Variants in ELF2 observed in about 807,000 individuals in gnomAD.
ELF2 encodes E74 like ETS transcription factor 2.
Under a neutral mutation model 54.8 loss-of-function variants are expected in ELF2, and 11 were observed. The observed-to-expected ratio is 0.20, with a 90% confidence interval of 0.13 to 0.33. ELF2 has a LOEUF of 0.33. ELF2 is among the 10% of genes least tolerant of loss of function. ELF2 has a pLI of 1.00. For synonymous variants in ELF2, 203 were observed against 245.1 expected, an observed-to-expected ratio of 0.83 and a Z score of 1.61; for missense variants, 513 against 703.0, an observed-to-expected ratio of 0.73 and a Z score of 3.06.
intron 1 of ELF2, among the ~76,000 whole-genome samples, chr4:139,172,890 G>A (rs28859992): frequency 7.0e-4 from 40 of 57,240 alleles, no homozygotes; most frequent in South Asian, 2.1e-3. Context: ...AACGGGGGGG[G>A]GGGGGGGGGG....
chr4:139,139,342 C>A (rs1738486312), intron 2 of ELF2, 71 bp downstream of exon 2: 4 of 744,378 alleles, frequency 5.4e-6, no homozygotes, highest in Non-Finnish European at 5.5e-6. Context: ...TTCCACAGTC[C>A]CATCATACTA....
chr4:139,173,866 T>A lies in ELF2; in HGVS notation c.-252+3101A>T, dbSNP rs186741926. 3.5e-4 allele frequency among the ~76,000 whole-genome samples: 52 copies of A among 150,672 alleles called. 1 individual carries two copies. The highest frequency in any genetic ancestry group is 3.5e-3 in the Middle Eastern group (1 of 288). On this transcript the variant is annotated intron_variant, in intron 1 of 9. Transcript: ENST00000686138. The stretch of plus-strand genomic sequence containing the variant: ...ACTTTGAGAGGCCAAAGAGAGAGGA[T>A]TGCTCAAGCCCAGGAGTTCAAGACT...
At chr4:139,111,974 C>A (rs148681884) in intron 4 of ELF2, among the ~76,000 whole-genome samples, 37 of 152,254 alleles carry the variant, frequency 2.4e-4, no homozygotes, top group African/African-American at 8.9e-4. Flanking sequence ...TCATTTACAG[C>A]ACTTACTATT....
At chr4:139,131,971 G>A (rs992233921) in intron 3 of ELF2, among the ~76,000 whole-genome samples, 8 of 152,132 alleles carry the variant, frequency 5.3e-5, no homozygotes, top group African/African-American at 1.9e-4. Context: ...ATGAGCCATA[G>A]AATAGTACTG....
chr4:139,144,782 T>C (rs924341152), intron 1 of ELF2, among the ~76,000 whole-genome samples: 7 of 152,208 alleles, frequency 4.6e-5, no homozygotes, highest in Non-Finnish European at 8.8e-5. Flanking sequence ...TCCTGGAACA[T>C]TACCCCAGTG....
upstream of ELF2, among the ~76,000 whole-genome samples, chr4:139,177,845 G>A (rs1743134460): frequency 6.6e-6 from 1 of 152,164 alleles, no homozygotes; most frequent in Non-Finnish European, 1.5e-5. Flanking sequence ...TTACAGGGGG[G>A]CGAGGTTTTG....
chr4:139,142,006 A>G (rs1470241402), intron 1 of ELF2, among the ~76,000 whole-genome samples: 1 of 152,234 alleles, frequency 6.6e-6, no homozygotes, highest in Non-Finnish European at 1.5e-5. Flanking sequence ...AATGAGCACT[A>G]TTATATGATA....
chr4:139,115,200 G>C, intron 4 of ELF2: 1 of 1,611,692 alleles, frequency 6.2e-7, no homozygotes. Flanking sequence ...GGTCATACTT[G>C]ACGGTGACCT....
At chr4:139,094,389 G>A (rs1364733069) in intron 4 of ELF2, among the ~76,000 whole-genome samples, 4 of 152,150 alleles carry the variant, frequency 2.6e-5, no homozygotes, top group African/African-American at 4.8e-5. Context: ...ACAATAACTG[G>A]TTCTTGTTTC....
intron 4 of ELF2, among the ~76,000 whole-genome samples, chr4:139,120,595 T>A (rs1375207050): frequency 1.3e-5 from 2 of 148,638 alleles, no homozygotes; most frequent in Non-Finnish European, 3.0e-5. Flanking sequence ...CACGCCACCA[T>A]ACCCAGCTAA....
chr4:139,112,862 T>C (rs530923625), intron 4 of ELF2, among the ~76,000 whole-genome samples: 2 of 152,188 alleles, frequency 1.3e-5, no homozygotes, highest in South Asian at 2.1e-4. Flanking sequence ...ACCACTGCAC[T>C]CCAGCCTGAG....
intron 4 of ELF2, among the ~76,000 whole-genome samples, chr4:139,101,079 C>A (rs181217135): frequency 5.3e-5 from 8 of 152,324 alleles, no homozygotes; most frequent in South Asian, 2.1e-4. Context: ...CTAGAAAATT[C>A]TTTTCTTCCC....
chr4:139,089,014 C>T (rs1394432008), intron 4 of ELF2, among the ~76,000 whole-genome samples: 1 of 152,194 alleles, frequency 6.6e-6, no homozygotes, highest in African/African-American at 2.4e-5. Flanking sequence ...ACCTCGGCCT[C>T]CCAAAGTGCT....
intron 4 of ELF2, among the ~76,000 whole-genome samples, chr4:139,121,258 G>A (rs927512359): frequency 3.0e-4 from 45 of 150,712 alleles, no homozygotes; most frequent in African/African-American, 9.5e-4. Context: ...ACAGGCGCCC[G>A]CTACCACGCC....
chr4:139,069,450 G>A (rs1729199485), intron 6 of ELF2, among the ~76,000 whole-genome samples: 1 of 152,104 alleles, frequency 6.6e-6, no homozygotes, highest in South Asian at 2.1e-4. Flanking sequence ...ATATGAATCA[G>A]ACAGTAATAA....
chr4:139,062,775 G>A (rs945175960), intron 7 of ELF2, among the ~76,000 whole-genome samples: 4 of 152,118 alleles, frequency 2.6e-5, no homozygotes, highest in Non-Finnish European at 5.9e-5. Context: ...AAAATACAAC[G>A]AAATGTGTAA....
At chr4:139,143,875 A>G (rs2148871328) in intron 1 of ELF2, among the ~76,000 whole-genome samples, 1 of 152,270 alleles carries the variant, frequency 6.6e-6, no homozygotes, top group East Asian at 1.9e-4. Flanking sequence ...GGCTCAGAAA[A>G]GACCTGAGAA....
intron 6 of ELF2, among the ~76,000 whole-genome samples, chr4:139,068,298 C>T (rs1386202275): frequency 1.3e-5 from 2 of 152,188 alleles, no homozygotes; most frequent in South Asian, 2.1e-4. Flanking sequence ...GGATTACAGG[C>T]GTGAGCCACT....
chr4:139,156,621 T>TG (rs1553973042), intron 1 of ELF2, among the ~76,000 whole-genome samples: 1 of 137,954 alleles, frequency 7.2e-6, no homozygotes, highest in African/African-American at 2.6e-5. Flanking sequence ...TATTTGTTGT[T>TG]TTGTTGTTGT....
Sources: allele counts gnomAD v4.1 joint callset (sites outside exome capture counted in the v4.1 genomes callset), GRCh38; gene constraint gnomAD v4.1.1; transcripts MANE v1.5; gene names NCBI Gene and HGNC (gene_info 2026-07-23, HGNC 2026-07-21).